The following TENM3 variants were observed in gnomAD, a reference collection of about 807,000 sequenced individuals.
TENM3 encodes the protein teneurin-3.
In TENM3, 63 loss-of-function variants were observed where a neutral mutation model predicts 255.1. The ratio of observed to expected loss-of-function variants is 0.25; its 90% confidence interval spans 0.20 to 0.30. The LOEUF (loss-of-function observed/expected upper bound fraction) is 0.30, where lower values mean the gene tolerates loss of function less well. TENM3 is among the 10% of genes least tolerant of loss of function. The pLI is 1.00. For missense variants in TENM3, 2,929 were observed against 3,461.1 expected (o/e 0.85, Z 3.86); for synonymous variants, 1,306 against 1,322.3 (o/e 0.99, Z 0.27).
intron 1 of TENM3, among the ~76,000 whole-genome samples, chr4:182,183,419 T>C (rs1392798929): frequency 6.6e-6 from 1 of 152,152 alleles, no homozygotes; most frequent in Admixed American, 6.5e-5. Flanking sequence ...CTAGTTCATT[T>C]TTCTTGCTTG....
At chr4:181,643,160 C>T in the TENM3 span, among the ~76,000 whole-genome samples, 15 of 152,042 alleles carry the variant, frequency 9.9e-5, no homozygotes, top group Middle Eastern at 3.2e-3. Context: ...AATGTTTTTC[C>T]GTTTATTTGT....
chr4:182,404,746 G>A (rs1303454543), intron 3 of TENM3, among the ~76,000 whole-genome samples: 1 of 152,194 alleles, frequency 6.6e-6, no homozygotes, highest in Non-Finnish European at 1.5e-5. Flanking sequence ...CTTATGTTGT[G>A]TTCAAGCAGG....
the TENM3 span, among the ~76,000 whole-genome samples, chr4:181,628,864 C>T: frequency 6.6e-6 from 1 of 151,970 alleles, no homozygotes; most frequent in Admixed American, 6.6e-5. Context: ...TTTTCCAATT[C>T]TGTGAAGAAA....
chr4:181,726,741 T>C, the TENM3 span, among the ~76,000 whole-genome samples: 1 of 152,194 alleles, frequency 6.6e-6, no homozygotes, highest in South Asian at 2.1e-4. Flanking sequence ...TACCTTGCGA[T>C]AGTCAGATCC....
intron 12 of TENM3, among the ~76,000 whole-genome samples, chr4:182,694,981 A>C (rs781732479): frequency 1.3e-5 from 2 of 152,264 alleles, no homozygotes; most frequent in Non-Finnish European, 2.9e-5. Context: ...CTTCACTTAA[A>C]TTACAAAACT....
At chr4:181,479,534 T>C in the TENM3 span, among the ~76,000 whole-genome samples, 1 of 152,138 alleles carries the variant, frequency 6.6e-6, no homozygotes, top group Admixed American at 6.5e-5. Context: ...CTGTCTTCCT[T>C]TCTCTTGGAA....
intron 3 of TENM3, among the ~76,000 whole-genome samples, chr4:182,529,100 A>G (rs1739519708): frequency 6.6e-6 from 1 of 152,242 alleles, no homozygotes; most frequent in Admixed American, 6.5e-5. Flanking sequence ...GTCAATTTCT[A>G]TTCCTATCAT....
the TENM3 span, among the ~76,000 whole-genome samples, chr4:181,827,258 C>T: frequency 3.3e-5 from 5 of 152,122 alleles, no homozygotes; most frequent in East Asian, 1.9e-4. Flanking sequence ...CTTTAAGATC[C>T]GTATTGGTGA....
intron 1 of TENM3, among the ~76,000 whole-genome samples, chr4:182,223,683 T>C (rs908185096): frequency 6.6e-6 from 1 of 151,892 alleles, no homozygotes; most frequent in African/African-American, 2.4e-5. Context: ...TCATAGTTGA[T>C]CTTTGCACTA....
At chr4:182,599,878 AG>A (rs1747659711) in intron 3 of TENM3, among the ~76,000 whole-genome samples, 2 of 152,234 alleles carry the variant, frequency 1.3e-5, no homozygotes, top group African/African-American at 2.4e-5. Context: ...GAACCATATC[AG>A]TTTAGCATTA....
chr4:182,446,193 T>C (rs569036007), intron 3 of TENM3, among the ~76,000 whole-genome samples: 2 of 152,216 alleles, frequency 1.3e-5, no homozygotes, highest in African/African-American at 2.4e-5. Flanking sequence ...TCAGTGTAAA[T>C]CCTTGATTAT....
the TENM3 span, among the ~76,000 whole-genome samples, chr4:182,048,400 TTA>T: frequency 3.3e-5 from 5 of 152,208 alleles, no homozygotes; most frequent in African/African-American, 9.6e-5. Context: ...TTCACCGATT[TTA>T]TGTTTACTTA....
At chr4:182,208,530 A>G (rs1045477249) in intron 1 of TENM3, among the ~76,000 whole-genome samples, 26 of 152,358 alleles carry the variant, frequency 1.7e-4, no homozygotes, top group African/African-American at 5.1e-4. Flanking sequence ...ATGAAAGGGT[A>G]TACTTTTTAA....
At chr4:181,505,987 A>C in the TENM3 span, among the ~76,000 whole-genome samples, 1 of 152,314 alleles carries the variant, frequency 6.6e-6, no homozygotes, top group East Asian at 1.9e-4. Context: ...AATTATTTCC[A>C]GTCCTGGAAG....
chr4:182,667,704 T>C (rs1285669119), intron 6 of TENM3, among the ~76,000 whole-genome samples: 2 of 151,808 alleles, frequency 1.3e-5, no homozygotes, highest in Non-Finnish European at 2.9e-5. Context: ...TTGGTAGTCA[T>C]GAAATTCTTC....
the TENM3 span, among the ~76,000 whole-genome samples, chr4:181,684,286 A>G: frequency 6.6e-6 from 1 of 152,200 alleles, no homozygotes; most frequent in Non-Finnish European, 1.5e-5. Context: ...ATCATTTTAC[A>G]GATACAAAAG....
chr4:181,588,331 A>G, the TENM3 span, among the ~76,000 whole-genome samples: 1 of 152,148 alleles, frequency 6.6e-6, no homozygotes, highest in Non-Finnish European at 1.5e-5. Flanking sequence ...ATCCTTTTGA[A>G]AGGATTCGTT....
At chr4:182,717,792 T>G (rs1446790115) in intron 13 of TENM3, among the ~76,000 whole-genome samples, 2 of 152,222 alleles carry the variant, frequency 1.3e-5, no homozygotes, top group African/African-American at 4.8e-5. Flanking sequence ...ATCTTTCTTC[T>G]TCAACTCCAA....
the TENM3 span, among the ~76,000 whole-genome samples, chr4:181,986,471 C>T: frequency 1.8e-4 from 28 of 152,064 alleles, no homozygotes; most frequent in African/African-American, 6.8e-4. Flanking sequence ...CCAATCCCAA[C>T]CTTTAGTGTT....
Sources: gnomAD v4.1 joint callset for allele counts (sites outside exome capture counted in the v4.1 genomes callset) on GRCh38, gnomAD v4.1.1 for gene constraint, MANE v1.5 for transcripts, NCBI Gene and HGNC (gene_info 2026-07-23, HGNC 2026-07-21) for gene names.